The following PDSS2 variants were observed in gnomAD, a reference collection of about 807,000 sequenced individuals.
PDSS2 encodes the protein all trans-polyprenyl-diphosphate synthase PDSS2.
Under a neutral mutation model 44.5 loss-of-function variants are expected in PDSS2, and 31 were observed. The ratio of observed to expected loss-of-function variants is 0.70; its 90% CI spans 0.52 to 0.94. PDSS2 has a LOEUF of 0.94. PDSS2 is among the 40% of genes least tolerant of loss of function. The probability of loss-of-function intolerance (pLI) is 0.00; values close to 1 mark genes in which losing one functional copy is unlikely to be tolerated. For missense variants in PDSS2, 452 were observed against 482.2 expected, an observed-to-expected ratio of 0.94 and a Z score of 0.59; for synonymous variants, 157 against 180.3, an observed-to-expected ratio of 0.87 and a Z score of 1.03.
chr6:107,387,035 C>T (rs1261359179), intron 1 of PDSS2, among the ~76,000 whole-genome samples: 2 of 152,214 alleles, frequency 1.3e-5, no homozygotes, highest in African/African-American at 4.8e-5. Context: ...CCACAAGCTG[C>T]TTCCTTCTCA....
chr6:107,303,879 A>G (rs576554922), intron 2 of PDSS2, among the ~76,000 whole-genome samples: 1 of 152,366 alleles, frequency 6.6e-6, no homozygotes, highest in South Asian at 2.1e-4. Flanking sequence ...AAACTGTGTT[A>G]GATAACTCCT....
At chr6:107,276,532 T>A (rs976450979) in intron 2 of PDSS2, among the ~76,000 whole-genome samples, 3 of 152,190 alleles carry the variant, frequency 2.0e-5, no homozygotes, top group African/African-American at 7.2e-5. Context: ...GATCAGGGAC[T>A]CTGAGCTTGA....
chr6:107,434,318 GCA>G (rs1781283205), intron 1 of PDSS2, among the ~76,000 whole-genome samples: 1 of 152,216 alleles, frequency 6.6e-6, no homozygotes, highest in African/African-American at 2.4e-5. Context: ...GTTTACTGCA[GCA>G]CTGTTCACAA....
At chr6:107,194,471 C>T (rs1463998034) in intron 6 of PDSS2, among the ~76,000 whole-genome samples, 3 of 152,086 alleles carry the variant, frequency 2.0e-5, no homozygotes, top group Admixed American at 2.0e-4. Flanking sequence ...TTATAAAATC[C>T]CTTTTTCTTC....
intron 7 of PDSS2, among the ~76,000 whole-genome samples, chr6:107,193,017 G>C (rs1772433518): frequency 6.6e-6 from 1 of 152,162 alleles, no homozygotes; most frequent in Non-Finnish European, 1.5e-5. Context: ...CCTGATTGTT[G>C]CATAAATCAG....
At chr6:107,203,014 A>G (rs1287389713) in intron 6 of PDSS2, among the ~76,000 whole-genome samples, 2 of 152,150 alleles carry the variant, frequency 1.3e-5, no homozygotes, top group African/African-American at 4.8e-5. Flanking sequence ...ATCTGGAAGA[A>G]ACATGAAATT....
intron 6 of PDSS2, among the ~76,000 whole-genome samples, chr6:107,199,641 A>G (rs1429237159): frequency 6.6e-6 from 1 of 152,192 alleles, no homozygotes; most frequent in Non-Finnish European, 1.5e-5. Flanking sequence ...CAATCTCCCA[A>G]GCTCCATGAA....
intron 4 of PDSS2, 141 bp from the exon 5 acceptor site, chr6:107,212,423 T>C (rs769596787): frequency 1.4e-5 from 9 of 655,558 alleles, no homozygotes; most frequent in Non-Finnish European, 2.3e-5. Flanking sequence ...AAAAGATGCC[T>C]AACCTCAGCT....
chr6:107,409,162 CAAG>C (rs1780413730), intron 1 of PDSS2, among the ~76,000 whole-genome samples: 1 of 152,082 alleles, frequency 6.6e-6, no homozygotes, highest in South Asian at 2.1e-4. Flanking sequence ...TATTAAGCAG[CAAG>C]AATATAATTT....
chr6:107,264,656 A>C, intron 3 of PDSS2: 1 of 558,426 alleles, frequency 1.8e-6, no homozygotes, highest in Non-Finnish European at 3.1e-6. Context: ...CTTAATCCTA[A>C]ATACAAACCC....
At chr6:107,259,653 C>T (rs755451705) in intron 3 of PDSS2, among the ~76,000 whole-genome samples, 92 of 147,262 alleles carry the variant, frequency 6.2e-4, no homozygotes, top group Admixed American at 8.3e-4. Flanking sequence ...CCAGCCTGGG[C>T]GACAGAACAA....
At chr6:107,356,925 G>A (rs1227281998) in intron 1 of PDSS2, among the ~76,000 whole-genome samples, 1 of 152,034 alleles carries the variant, frequency 6.6e-6, no homozygotes, top group African/African-American at 2.4e-5. Context: ...TTGTGTGTCT[G>A]GTGCTATTAA....
intron 6 of PDSS2, among the ~76,000 whole-genome samples, chr6:107,198,830 CAACAA>C (rs1772658614): frequency 7.6e-6 from 1 of 131,082 alleles, no homozygotes; most frequent in African/African-American, 2.8e-5. Context: ...ACAACAACAA[CAACAA>C]CACAGCAAAA....
chr6:107,237,235 TTTTATTTA>T (rs141596909), intron 4 of PDSS2, among the ~76,000 whole-genome samples: 5 of 151,842 alleles, frequency 3.3e-5, no homozygotes, highest in South Asian at 4.2e-4. Flanking sequence ...TCCTGGCCTC[TTTTATTTA>T]TTTATTTATT....
intron 1 of PDSS2, among the ~76,000 whole-genome samples, chr6:107,364,703 G>A (rs1223654526): frequency 6.6e-6 from 1 of 152,314 alleles, no homozygotes; most frequent in East Asian, 1.9e-4. Flanking sequence ...CAGTGCAGTG[G>A]GGGGGCTGAA....
intron 2 of PDSS2, among the ~76,000 whole-genome samples, chr6:107,304,617 A>G (rs568031195): frequency 1.3e-5 from 2 of 152,350 alleles, no homozygotes; most frequent in South Asian, 4.1e-4. Flanking sequence ...ACAATAGCAC[A>G]TGTGTCAAAG....
chr6:107,161,678 G>GGCAGAGTT (rs1189612452), intron 7 of PDSS2, among the ~76,000 whole-genome samples: 1 of 152,042 alleles, frequency 6.6e-6, no homozygotes, highest in African/African-American at 2.4e-5. Flanking sequence ...GTGCTATAAA[G>GGCAGAGTT]GCAGAGTTGC....
intron 2 of PDSS2, among the ~76,000 whole-genome samples, chr6:107,289,047 G>A (rs1225520964): frequency 6.7e-6 from 1 of 150,158 alleles, no homozygotes; most frequent in Non-Finnish European, 1.5e-5. Flanking sequence ...GATTACAGGC[G>A]TGAGTCACCG....
intron 1 of PDSS2, among the ~76,000 whole-genome samples, chr6:107,430,232 G>A (rs1781151665): frequency 6.6e-6 from 1 of 152,060 alleles, no homozygotes. Context: ...GGGCACAGTG[G>A]CTCACGCCTG....
Sources: allele counts gnomAD v4.1 joint callset (sites outside exome capture counted in the v4.1 genomes callset), GRCh38; gene constraint gnomAD v4.1.1; transcripts MANE v1.5; gene names NCBI Gene and HGNC (gene_info 2026-07-23, HGNC 2026-07-21).